TMEM135: variants seen among roughly 807,000 people sequenced by gnomAD.
The protein encoded by TMEM135 is peroxisomal membrane protein 52.
Under a neutral mutation model 60.3 loss-of-function variants are expected in TMEM135, and 30 were observed. That is an observed-to-expected ratio of 0.50 (90% CI 0.37 to 0.68). The LOEUF (loss-of-function observed/expected upper bound fraction) is 0.68. Among genes scored for constraint, TMEM135 ranks in the 30% least tolerant of loss-of-function variants. The pLI, the probability that TMEM135 is intolerant of heterozygous loss-of-function variation, is 0.00. For synonymous variants in TMEM135, 190 were observed against 186.7 expected (o/e 1.02, Z -0.14); for missense variants, 468 against 548.8 (o/e 0.85, Z 1.47).
chr11:87,069,928 T>C (rs927728098), intron 2 of TMEM135, among the ~76,000 whole-genome samples: 9 of 152,054 alleles, frequency 5.9e-5, no homozygotes, highest in African/African-American at 2.2e-4. Context: ...TCTCAGCACT[T>C]TGGGAGGCCA....
At chr11:87,038,425 T>G (rs947194140) in intron 1 of TMEM135, among the ~76,000 whole-genome samples, 1 of 152,082 alleles carries the variant, frequency 6.6e-6, no homozygotes, top group Admixed American at 6.5e-5. Flanking sequence ...TCTGAATGCC[T>G]GTTGCTAGGA....
chr11:87,183,435 C>G (rs1939571244), intron 5 of TMEM135, among the ~76,000 whole-genome samples: 1 of 151,934 alleles, frequency 6.6e-6, no homozygotes, highest in African/African-American at 2.4e-5. Flanking sequence ...GCCACCACAC[C>G]TGGCTATCAC....
chr11:87,220,993 G>A (rs631930), intron 5 of TMEM135, among the ~76,000 whole-genome samples: 9,437 of 152,142 alleles, frequency 0.062, 384 homozygotes, highest in South Asian at 0.12. Flanking sequence ...AAACCTCGTT[G>A]CTATGCTATT....
chr11:87,169,333 A>T (rs987119149), intron 5 of TMEM135, among the ~76,000 whole-genome samples: 2 of 149,912 alleles, frequency 1.3e-5, no homozygotes, highest in African/African-American at 4.9e-5. Context: ...TGTGAATTTG[A>T]TCCTGTCATT....
chr11:87,091,507 T>G, intron 4 of TMEM135, 112 bp downstream of exon 4: 1 of 1,040,704 alleles, frequency 9.6e-7, no homozygotes, highest in Non-Finnish European at 1.5e-6. Context: ...AGGATAATCT[T>G]CTCTGTGTTA....
intron 6 of TMEM135, among the ~76,000 whole-genome samples, chr11:87,259,596 C>G (rs1460964588): frequency 6.6e-6 from 1 of 152,142 alleles, no homozygotes. Flanking sequence ...GCTTATTTTT[C>G]ATGTTGTATA....
Position 87,057,795 on chromosome 11 carries a change from CTGTGTGTG to C in TMEM135, c.142-9885_142-9878del, listed in dbSNP as rs35519502. Among the ~76,000 whole-genome samples the C allele has an allele frequency of 7.0e-4, 53 of 75,740 alleles. 1 individual carries two copies. Among genetic ancestry groups the C allele is most frequent in the Non-Finnish European group, 4.7e-4 (21 of 44,694 alleles). The allele number at this position is 75,740 out of a possible 152,430, so 49.7% of individuals were successfully genotyped here. On this transcript the variant is annotated intron_variant, in intron 1 of 14. Coordinates refer to ENST00000305494, the MANE Select transcript of TMEM135 (RefSeq NM_022918.4). ...GAGTTCTTCAAAGAAACAGAAGCCT[CTGTGTGTG>C]TGTGTGTGTGTGTTTGTGTGTGTGT...
chr11:87,155,265 T>C (rs1938662890), intron 4 of TMEM135, among the ~76,000 whole-genome samples: 1 of 152,200 alleles, frequency 6.6e-6, no homozygotes, highest in Non-Finnish European at 1.5e-5. Flanking sequence ...TCTCAAACTG[T>C]TGGGATTACA....
intron 3 of TMEM135, among the ~76,000 whole-genome samples, chr11:87,075,737 C>G (rs1856857750): frequency 6.6e-6 from 1 of 152,204 alleles, no homozygotes; most frequent in Admixed American, 6.5e-5. Context: ...ATTGGTTCAA[C>G]AATTGGGTCC....
chr11:87,138,881 A>C (rs966076507), intron 4 of TMEM135, among the ~76,000 whole-genome samples: 3 of 152,198 alleles, frequency 2.0e-5, no homozygotes, highest in African/African-American at 7.2e-5. Context: ...ATACTAGAGC[A>C]GTGGTTCTTA....
chr11:87,235,581 T>C (rs1940978198), intron 5 of TMEM135, among the ~76,000 whole-genome samples: 1 of 151,936 alleles, frequency 6.6e-6, no homozygotes, highest in African/African-American at 2.4e-5. Flanking sequence ...TTTTGCAGTG[T>C]TTTCATTTCT....
intron 5 of TMEM135, among the ~76,000 whole-genome samples, chr11:87,191,987 C>CTTTTTT (rs200969171): frequency 2.1e-3 from 162 of 77,148 alleles, no homozygotes; most frequent in East Asian, 4.5e-3. Context: ...CTTTTCTTTT[C>CTTTTTT]TTTTTTTTTT....
chr11:87,276,611 G>A (rs996231453), intron 6 of TMEM135, among the ~76,000 whole-genome samples: 4 of 150,074 alleles, frequency 2.7e-5, no homozygotes, highest in Admixed American at 2.7e-4. Flanking sequence ...TGAATGTAAC[G>A]CATAGAATTT....
rs1590877474 is a variant in TMEM135 at position 87,328,743 on chromosome 11, A to T, written c.*7410A>T. ...TATACCACATTTTCTTTATCCACTCATTGGTCTATGGGCACTTTGGTTGAT... is the reference window on the plus strand; with the variant it reads ...TATACCACATTTTCTTTATCCACTCTTTGGTCTATGGGCACTTTGGTTGAT... On this transcript the variant is annotated 3_prime_UTR_variant, in exon 15 of 15. Transcript: ENST00000305494. 1 of 453,870 alleles carries T rather than the reference A, an allele frequency of 2.2e-6. No individual in the cohort carries two copies. The highest frequency in any genetic ancestry group is 1.6e-5 in the South Asian group (1 of 64,478). 28.1% of individuals were successfully genotyped at this position (453,870 alleles called of 1,614,324 possible).
intron 6 of TMEM135, among the ~76,000 whole-genome samples, chr11:87,274,931 CT>C (rs1941940916): frequency 1.3e-5 from 2 of 150,596 alleles, no homozygotes; most frequent in Non-Finnish European, 3.0e-5. Context: ...CTGAAGAACT[CT>C]TTTTTCCCCC....
At chr11:87,053,417 T>G (rs1462272640) in intron 1 of TMEM135, among the ~76,000 whole-genome samples, 1 of 152,164 alleles carries the variant, frequency 6.6e-6, no homozygotes, top group African/African-American at 2.4e-5. Context: ...AAAAATGTGG[T>G]AAGACCTTGA....
intron 5 of TMEM135, among the ~76,000 whole-genome samples, chr11:87,199,728 G>A (rs1007228788): frequency 2.0e-5 from 3 of 151,898 alleles, no homozygotes; most frequent in African/African-American, 7.3e-5. Context: ...TCAGGAGTTC[G>A]AGACCAGCCT....
At chr11:87,109,530 A>C (rs1857688670) in intron 4 of TMEM135, among the ~76,000 whole-genome samples, 1 of 152,170 alleles carries the variant, frequency 6.6e-6, no homozygotes, top group Non-Finnish European at 1.5e-5. Flanking sequence ...GAGGAGATGA[A>C]GTGAGGTTGA....
chr11:87,274,293 G>C (rs1191982974), intron 6 of TMEM135, among the ~76,000 whole-genome samples: 1 of 152,084 alleles, frequency 6.6e-6, no homozygotes, highest in East Asian at 1.9e-4. Flanking sequence ...ACTTAAATCT[G>C]TGAATTATGC....
Sources: allele counts gnomAD v4.1 joint callset (sites outside exome capture counted in the v4.1 genomes callset), GRCh38; gene constraint gnomAD v4.1.1; transcripts MANE v1.5; gene names NCBI Gene and HGNC (gene_info 2026-07-23, HGNC 2026-07-21).